Variants in ERI3 observed in about 807,000 individuals in gnomAD.
ERI3 encodes ERI1 exoribonuclease family member 3, also known as ERI1 exoribonuclease 3.
A neutral mutation model predicts 44.4 loss-of-function variants in ERI3; 18 were observed. The ratio of observed to expected loss-of-function variants is 0.41; its 90% CI spans 0.28 to 0.60. ERI3 has a LOEUF of 0.60. Among genes scored for constraint, ERI3 ranks in the 20% least tolerant of loss-of-function variants. ERI3 has a pLI of 0.36. For missense variants in ERI3, 294 were observed against 435.5 expected (o/e 0.68, Z 2.89); for synonymous variants, 183 against 164.8 (o/e 1.11, Z -0.84).
chr1:44,260,831 C>T (rs1231260665), intron 7 of ERI3, among the ~76,000 whole-genome samples: 2 of 150,470 alleles, frequency 1.3e-5, no homozygotes, highest in African/African-American at 4.9e-5. Flanking sequence ...CTTCCCTTCT[C>T]CAAATCCTGT....
chr1:44,263,822 G>T (rs1644939036), intron 7 of ERI3, among the ~76,000 whole-genome samples: 1 of 152,182 alleles, frequency 6.6e-6, no homozygotes, highest in South Asian at 2.1e-4. Flanking sequence ...TCTGAGCCCT[G>T]AGCCCTTCCT....
At chr1:44,245,934 A>G (rs1644546810) in intron 8 of ERI3, among the ~76,000 whole-genome samples, 1 of 152,136 alleles carries the variant, frequency 6.6e-6, no homozygotes, top group Non-Finnish European at 1.5e-5. Flanking sequence ...TCACTCTTTC[A>G]TTGATTCATT....
chr1:44,284,354 T>G (rs1398181265), intron 7 of ERI3, among the ~76,000 whole-genome samples: 1 of 152,172 alleles, frequency 6.6e-6, no homozygotes, highest in Non-Finnish European at 1.5e-5. Context: ...AGCCAGGCTC[T>G]CCTGGAGCAA....
At chr1:44,254,453 C>A (rs1484134523) in intron 7 of ERI3, among the ~76,000 whole-genome samples, 1 of 152,134 alleles carries the variant, frequency 6.6e-6, no homozygotes. Flanking sequence ...TTCTACTAAG[C>A]CTGAACCCTT....
chr1:44,328,074 T>C (rs76880296), intron 3 of ERI3, among the ~76,000 whole-genome samples: 33 of 152,316 alleles, frequency 2.2e-4, no homozygotes, highest in African/African-American at 7.7e-4. Context: ...CACAGAATAC[T>C]GCATGCCTGT....
At chr1:44,290,997 C>T (rs1414549205) in intron 6 of ERI3, among the ~76,000 whole-genome samples, 4 of 152,096 alleles carry the variant, frequency 2.6e-5, no homozygotes, top group Admixed American at 2.0e-4. Context: ...GTTATCTGCC[C>T]GTGACACCTT....
intron 6 of ERI3, among the ~76,000 whole-genome samples, chr1:44,295,583 A>G (rs1207289314): frequency 6.6e-6 from 1 of 152,198 alleles, no homozygotes; most frequent in East Asian, 1.9e-4. Context: ...GCAATTTCCA[A>G]CAGGATTCCT....
intron 6 of ERI3, among the ~76,000 whole-genome samples, chr1:44,286,936 T>A (rs529512293): frequency 3.3e-5 from 5 of 152,168 alleles, no homozygotes; most frequent in African/African-American, 1.2e-4. Flanking sequence ...ACCCAACCTA[T>A]CCCCATTCCC....
At chr1:44,234,067 C>T (rs1644249842) in intron 8 of ERI3, among the ~76,000 whole-genome samples, 1 of 152,118 alleles carries the variant, frequency 6.6e-6, no homozygotes, top group Non-Finnish European at 1.5e-5. Context: ...TTGAACACTC[C>T]CTTTCTTTTG....
At chr1:44,281,601 A>ATATATATATATAT (rs1553189559) in intron 7 of ERI3, among the ~76,000 whole-genome samples, 3 of 128,056 alleles carry the variant, frequency 2.3e-5, no homozygotes, top group African/African-American at 1.0e-4. Context: ...AAAAAAAAAA[A>ATATATATATATAT]ATATATATAT....
At position 44,221,749 on chromosome 1, in the gene ERI3, A is replaced by C. The variant is rs1299353919; in HGVS notation, c.932-109T>G. Reference sequence around the variant, plus strand: ...AAGCAGGGTCAGATTCAGGAGACACAGGCTTTAGAGAGGGTGGTCCCATCC... The same window carrying C: ...AAGCAGGGTCAGATTCAGGAGACACCGGCTTTAGAGAGGGTGGTCCCATCC... On this transcript the variant is annotated intron_variant, in intron 8 of 8. Coordinates refer to ENST00000372257, the MANE Select transcript of ERI3 (RefSeq NM_024066.3). This position sits in a 1 kb window ranked among gnomAD's most constrained non-coding sequence, Gnocchi z 5.9. 2.4e-6 allele frequency: 2 copies of C among 844,594 alleles called. No individual in the cohort carries two copies. The highest frequency in any genetic ancestry group is 3.9e-6 in the Non-Finnish European group (2 of 511,380). 52.3% of individuals were successfully genotyped at this position (844,594 alleles called of 1,614,324 possible).
intron 5 of ERI3, among the ~76,000 whole-genome samples, chr1:44,311,420 G>A (rs1645970420): frequency 6.6e-6 from 1 of 152,074 alleles, no homozygotes; most frequent in Non-Finnish European, 1.5e-5. Flanking sequence ...ACCAACTCAG[G>A]ACTAATGAGA....
Position 44,355,236 on chromosome 1 carries a change from C to G in ERI3, c.-210G>C. The G allele has an allele frequency of 8.5e-7, 1 of 1,180,734 alleles. No individual in the cohort carries two copies. Among genetic ancestry groups the G allele is most frequent in the Non-Finnish European group, 1.0e-6 (1 of 955,414 alleles). 73.1% of individuals were successfully genotyped at this position (1,180,734 alleles called of 1,614,324 possible). A position where few individuals can be genotyped will look rare whatever the true frequency, so the allele number is the denominator to read the frequency against. On this transcript the variant is annotated 5_prime_UTR_variant, in exon 1 of 9. Transcript: ENST00000372257. ...GCCTGAACAGCGGCAGCCAGCACCA[C>G]GAGTCCACAACACACCGACTCACCT...
At chr1:44,292,202 G>T (rs905656405) in intron 6 of ERI3, among the ~76,000 whole-genome samples, 9 of 152,058 alleles carry the variant, frequency 5.9e-5, no homozygotes, top group Non-Finnish European at 1.2e-4. Context: ...CTTGCTGGGG[G>T]TGACAGGAAA....
Position 44,241,806 on chromosome 1 carries a change from A to G in ERI3, c.931+6133T>C. ...TCCTAAAGAATCAAACACACATAACACATACATACATACATACATACATAC... is the reference window on the plus strand; with the variant it reads ...TCCTAAAGAATCAAACACACATAACGCATACATACATACATACATACATAC... On this transcript the variant is annotated intron_variant, in intron 8 of 8. Coordinates refer to ENST00000372257, the MANE Select transcript of ERI3 (RefSeq NM_024066.3). The surrounding 1 kb of genome is among the most constrained non-coding windows in gnomAD (Gnocchi z 5.6). 1 of 14,118 alleles carries G rather than the reference A, an allele frequency of 7.1e-5. No individual in the cohort carries two copies. The highest frequency in any genetic ancestry group is 1.9e-4 in the Non-Finnish European group (1 of 5,138). 0.9% of individuals were successfully genotyped at this position (14,118 alleles called of 1,614,324 possible). A position where few individuals can be genotyped will look rare whatever the true frequency, so the allele number is the denominator to read the frequency against.
At chr1:44,312,734 G>A (rs559940537) in intron 5 of ERI3, among the ~76,000 whole-genome samples, 2 of 152,334 alleles carry the variant, frequency 1.3e-5, no homozygotes, top group African/African-American at 2.4e-5. Flanking sequence ...AAAAGCCATC[G>A]ATGCGGAGTT....
intron 6 of ERI3, 29 bp downstream of exon 6, chr1:44,308,281 G>A (rs146333790): frequency 2.6e-6 from 4 of 1,529,920 alleles, no homozygotes; most frequent in Non-Finnish European, 3.6e-6. Flanking sequence ...TCCAAGCCCT[G>A]CCAGCAAAGC....
chr1:44,222,596 C>T (rs918844690), intron 8 of ERI3, among the ~76,000 whole-genome samples: 7 of 152,192 alleles, frequency 4.6e-5, no homozygotes, highest in Admixed American at 4.6e-4. Flanking sequence ...TCACCACCAC[C>T]ACCACCAGCA....
chr1:44,338,701 T>C (rs1258538808), intron 3 of ERI3, among the ~76,000 whole-genome samples: 1 of 152,200 alleles, frequency 6.6e-6, no homozygotes, highest in Non-Finnish European at 1.5e-5. Context: ...TGAGGTCATC[T>C]TGGAGGCCAG....
Sources: gnomAD v4.1 joint callset for allele counts (sites outside exome capture counted in the v4.1 genomes callset) on GRCh38, gnomAD v4.1.1 for gene constraint, Gnocchi (gnomAD v3.1) non-coding constraint, MANE v1.5 for transcripts, NCBI Gene and HGNC (gene_info 2026-07-23, HGNC 2026-07-21) for gene names.